CNN1: variants seen among roughly 807,000 people sequenced by gnomAD.
CNN1 encodes calponin 1, also known as calponin-1.
In CNN1, 21 loss-of-function variants were observed where a neutral mutation model predicts 35.3. The ratio of observed to expected loss-of-function variants is 0.60; its 90% CI spans 0.42 to 0.86. The LOEUF is 0.86. Among genes scored for constraint, CNN1 ranks in the 40% least tolerant of loss-of-function variants. The pLI is 0.00. For synonymous variants in CNN1, 164 were observed against 161.8 expected, an observed-to-expected ratio of 1.01 and a Z score of -0.10; for missense variants, 314 against 400.8, an observed-to-expected ratio of 0.78 and a Z score of 1.85.
rs181392734 is a variant in CNN1 at position 11,540,898 on chromosome 19, G to A, written c.64-178G>A. Among the ~76,000 whole-genome samples, 219 of 152,272 alleles carry A rather than the reference G, an allele frequency of 1.4e-3. 6 individuals are homozygous for A. In the South Asian group the frequency reaches 0.04, roughly 28 times the overall value. On this transcript the variant is annotated intron_variant, in intron 1 of 6. Coordinates refer to ENST00000252456, the MANE Select transcript of CNN1 (RefSeq NM_001299.6). ...CTGGGCAGGTGCCACCTCAGCCCTG[G>A]CTCTCAGCCCGCCCCAGCCCCCATC...
At chr19:11,546,524 T>C (rs568205726) in intron 2 of CNN1, 151 bp from the exon 3 acceptor site, 100 of 734,630 alleles carry the variant, frequency 1.4e-4, no homozygotes, top group Middle Eastern at 3.4e-4. Flanking sequence ...TTAGTAGAGA[T>C]GGGGTTTCAC....
chr19:11,541,276 A>G, intron 2 of CNN1, 79 bp downstream of exon 2: 1 of 1,461,178 alleles, frequency 6.8e-7, no homozygotes, highest in Non-Finnish European at 9.1e-7. Context: ...AACAACCATG[A>G]TCCTGGAACT....
In CNN1 at chr19:11,547,870, G is replaced by C. The variant is rs897098617; in HGVS notation, c.464G>C (p.Gly155Ala). 2.5e-6 allele frequency: 4 copies of C among 1,614,072 alleles called. No individual in the cohort carries two copies. Among genetic ancestry groups the C allele is most frequent in the Admixed American group, 1.7e-5 (1 of 60,018 alleles). ...AAGCAGGAGCGGAAATTCGAGCCGG[G>C]GAAGCTAAGAGAAGGGCGGAACATC... is the stretch of plus-strand genomic sequence containing the variant. ...AEKQERKFEPGKLREGRNIIG... is the reference protein window; with the variant it reads ...AEKQERKFEPAKLREGRNIIG... Residue 155 changes from glycine (G) to alanine (A), a missense_variant, in exon 5 of 7, where the codon GGG becomes GCG. Transcript: ENST00000252456.
chr19:11,548,729 C>G lies in CNN1; in HGVS notation c.502-594C>G, dbSNP rs531306406. ...GGGCACACCTGTAGTCCCAGCTACT[C>G]AGGAGGCTGAGGCAGGAGAATTGCT... On this transcript the variant is annotated intron_variant, in intron 5 of 6. Coordinates refer to ENST00000252456, the MANE Select transcript of CNN1 (RefSeq NM_001299.6). Among the ~76,000 whole-genome samples, 2 of 150,158 alleles carry G rather than the reference C, an allele frequency of 1.3e-5. 1 individual carries two copies. The highest frequency in any genetic ancestry group is 1.3e-4 in the Admixed American group (2 of 15,012).
At position 11,550,225 on chromosome 19, in the gene CNN1, C is replaced by T. The variant is rs1376462120; in HGVS notation, c.*430C>T. 4.0e-5 allele frequency: 7 copies of T among 175,296 alleles called. No homozygotes were observed. The East Asian group carries it at 4.7e-4, about 12-fold the overall frequency. The allele number at this position is 175,296 out of a possible 1,614,324, so 10.9% of individuals were successfully genotyped here. A position where few individuals can be genotyped will look rare whatever the true frequency, so the allele number is the denominator to read the frequency against. On this transcript the variant is annotated 3_prime_UTR_variant, in exon 7 of 7. Transcript: ENST00000252456. The stretch of plus-strand genomic sequence containing the variant: ...CGGACACACGCGGTTTGGTTTGCAG[C>T]GACTGGCATACTATGTGGATGTGAC...
rs1408286975 is a variant in CNN1, at chr19:11,545,895, A to C, written c.186-780A>C. ...GTGGGAGGATCGCTGGAGCCTGGGA[A>C]GTTGAGGCTGCAGTGAGCTGTGATT... On this transcript the variant is annotated intron_variant, in intron 2 of 6. Coordinates refer to ENST00000252456, the MANE Select transcript of CNN1 (RefSeq NM_001299.6). 3.3e-5 allele frequency among the ~76,000 whole-genome samples: 5 copies of C among 151,028 alleles called. No homozygotes were observed. The East Asian group carries it at 9.7e-4, about 29-fold the overall frequency.
chr19:11,546,343 C>CT (rs1261796219), intron 2 of CNN1, among the ~76,000 whole-genome samples: 10,475 of 139,682 alleles, frequency 0.075, 801 homozygotes, highest in African/African-American at 0.2. Flanking sequence ...ACCTTTCTTT[C>CT]TTTTTTTTTT....
rs377568799 is a variant in CNN1 at position 11,549,193 on chromosome 19, A to AAAAATAAATAAAT, written c.502-127_502-126insATAAATAAATAAA. 2.8e-6 allele frequency: 3 copies of AAAAATAAATAAAT among 1,065,970 alleles called. No individual in the cohort carries two copies. The African/African-American group carries it at 5.0e-5, about 18-fold the overall frequency. The allele number at this position is 1,065,970 out of a possible 1,614,324, so 66.0% of individuals were successfully genotyped here. Reference sequence around the variant, plus strand: ...ACAGAGCAAGACTCCGTCTCAAAAAAAAATAAATAAAATAAAATAAAAATT... The same window carrying AAAAATAAATAAAT: ...ACAGAGCAAGACTCCGTCTCAAAAAAAAAATAAATAAATAAATAAATAAAATAAAATAAAAATT... On this transcript the variant is annotated intron_variant, in intron 5 of 6. Transcript: ENST00000252456. This position sits in a 1 kb window ranked among gnomAD's most constrained non-coding sequence, Gnocchi z 5.2.
Position 11,549,823 on chromosome 19 carries a change from C to A in CNN1, c.*28C>A, listed in dbSNP as rs558693652. The stretch of plus-strand genomic sequence containing the variant: ...CCACAAGGCCTTCCCTGTTTTCCCC[C>A]CAAGGGAGGCTGCTGCTGCTCTTGG... On this transcript the variant is annotated 3_prime_UTR_variant, in exon 7 of 7. Coordinates refer to ENST00000252456, the MANE Select transcript of CNN1 (RefSeq NM_001299.6). This position sits in a 1 kb window ranked among gnomAD's most constrained non-coding sequence, Gnocchi z 5.2. 10 of 1,575,540 alleles carry A rather than the reference C, an allele frequency of 6.3e-6. No homozygotes were observed. The highest frequency in any genetic ancestry group is 1.3e-5 in the African/African-American group (1 of 74,220).
Position 11,549,436 on chromosome 19 carries a change from C to T in CNN1, c.615C>T (p.Ser205=), listed in dbSNP as rs1174266126. Residue 205 remains serine (S), a synonymous_variant, in exon 6 of 7, where the codon AGC becomes AGT. Coordinates refer to ENST00000252456, the MANE Select transcript of CNN1 (RefSeq NM_001299.6). This position sits in a 1 kb window ranked among gnomAD's most constrained non-coding sequence, Gnocchi z 5.2. ...AGCCTCTGGACCAGGCGACCATCAG[C>T]CTGCAGATGGGCACCAACAAAGGAG... ...TDQPLDQATI[S]LQMGTNKGAS... 4 of 1,613,988 alleles carry T rather than the reference C, an allele frequency of 2.5e-6. No individual in the cohort carries two copies. The highest frequency in any genetic ancestry group is 3.4e-6 in the Non-Finnish European group (4 of 1,180,022).
At chr19:11,543,489 T>TAATAATAATAATAATAAA (rs1280996803) in intron 2 of CNN1, among the ~76,000 whole-genome samples, 1 of 148,752 alleles carries the variant, frequency 6.7e-6, no homozygotes, top group African/African-American at 2.5e-5. Context: ...ATAATAATAA[T>TAATAATAATAATAATAAA]AAAAGAGTGG....
At chr19:11,546,558 T>A in intron 2 of CNN1, 117 bp from the exon 3 acceptor site, 2 of 1,010,308 alleles carry the variant, frequency 2.0e-6, no homozygotes, top group Admixed American at 3.8e-5. Context: ...ATAGTCTCGC[T>A]CTCCTGACCT....
intron 2 of CNN1, among the ~76,000 whole-genome samples, chr19:11,541,751 G>A (rs995684796): frequency 6.6e-6 from 1 of 152,052 alleles, no homozygotes; most frequent in Non-Finnish European, 1.5e-5. Flanking sequence ...ACCATGCCTG[G>A]CTAATTTTTG....
At chr19:11,547,726 A>C (rs1329738331) in intron 4 of CNN1, 71 bp from the exon 5 acceptor site, 2 of 1,280,446 alleles carry the variant, frequency 1.6e-6, no homozygotes, top group Non-Finnish European at 2.2e-6. Flanking sequence ...AACAACAAAA[A>C]AACAGTGTCC....
Position 11,538,902 on chromosome 19 carries a change from GC to G in CNN1, c.-21del. ...TGTTCTCAGCGTCAGTGCCGCCACT[GC>G]CCCCGCCAGAGCCCACCGGCCAGCA... On this transcript the variant is annotated 5_prime_UTR_variant, in exon 1 of 7. Transcript: ENST00000252456. The G allele has an allele frequency of 2.6e-6, 4 of 1,527,686 alleles. No homozygotes were observed. The highest frequency in any genetic ancestry group is 3.5e-6 in the Non-Finnish European group (4 of 1,134,326). The allele number at this position is 1,527,686 out of a possible 1,614,324, so 94.6% of individuals were successfully genotyped here.
chr19:11,545,203 A>G (rs915453713), intron 2 of CNN1, among the ~76,000 whole-genome samples: 8 of 140,884 alleles, frequency 5.7e-5, no homozygotes, highest in South Asian at 4.5e-4. Context: ...TCCATCTCGG[A>G]AAAAAAAAAA....
Position 11,545,546 on chromosome 19 carries a change from G to T in CNN1, c.186-1129G>T, listed in dbSNP as rs1313054076. On this transcript the variant is annotated intron_variant, in intron 2 of 6. Coordinates refer to ENST00000252456, the MANE Select transcript of CNN1 (RefSeq NM_001299.6). ...CTGCATGTCAGGAGTCTGGAGCAGG[G>T]TGAGTTTGATTTGAGACACCCAGGC... Among the ~76,000 whole-genome samples the T allele has an allele frequency of 5.3e-5, 8 of 151,726 alleles. No individual in the cohort carries two copies. The East Asian group carries it at 1.6e-3, about 29-fold the overall frequency.
chr19:11,544,693 G>C (rs563810415), intron 2 of CNN1, among the ~76,000 whole-genome samples: 2 of 133,450 alleles, frequency 1.5e-5, no homozygotes, highest in African/African-American at 2.8e-5. Context: ...GTAGAGACAC[G>C]GGTCTCACCA....
At chr19:11,546,150 T>G (rs556788245) in intron 2 of CNN1, among the ~76,000 whole-genome samples, 1 of 152,230 alleles carries the variant, frequency 6.6e-6, no homozygotes, top group South Asian at 2.1e-4. Flanking sequence ...GCTTTCTGAC[T>G]GGGACCTGAG....
Sources: allele counts gnomAD v4.1 joint callset (sites outside exome capture counted in the v4.1 genomes callset), GRCh38; gene constraint gnomAD v4.1.1; non-coding constraint Gnocchi (gnomAD v3.1); transcripts MANE v1.5; gene names NCBI Gene and HGNC (gene_info 2026-07-23, HGNC 2026-07-21).